The following ITIH5 variants were observed in gnomAD, a reference collection of about 807,000 sequenced individuals.
ITIH5 encodes inter-alpha-trypsin inhibitor heavy chain H5.
ITIH5 carries 65 observed loss-of-function variants against 77.5 expected under a neutral mutation model. The ratio of observed to expected loss-of-function variants is 0.84; its 90% CI spans 0.69 to 1.03. The LOEUF (loss-of-function observed/expected upper bound fraction) is 1.03, where lower values mean the gene tolerates loss of function less well. ITIH5 is among the 50% of genes least tolerant of loss of function. ITIH5 has a pLI of 0.00. For missense variants in ITIH5, 1,208 were observed against 1,213.1 expected (o/e 1.00, Z 0.06); for synonymous variants, 525 against 494.3 (o/e 1.06, Z -0.82).
chr10:7,581,841 C>T (rs1832562482), intron 8 of ITIH5, among the ~76,000 whole-genome samples: 1 of 143,872 alleles, frequency 7.0e-6, no homozygotes, highest in South Asian at 2.3e-4. Flanking sequence ...GGACTACAGG[C>T]ATGAGCCACC....
At chr10:7,640,092 C>A (rs1326810713) in intron 4 of ITIH5, among the ~76,000 whole-genome samples, 2 of 84,832 alleles carry the variant, frequency 2.4e-5, no homozygotes, top group African/African-American at 4.7e-5. Context: ...TTATTTTTAT[C>A]AAAAAAAATT....
intron 13 of ITIH5, among the ~76,000 whole-genome samples, 161 bp downstream of exon 13, chr10:7,565,869 C>T (rs1434833151): frequency 6.9e-6 from 1 of 145,812 alleles, no homozygotes; most frequent in Non-Finnish European, 1.5e-5. Context: ...TATATATGTA[C>T]ACACACACAT....
chr10:7,661,752 G>C (rs1834280286), intron 1 of ITIH5, among the ~76,000 whole-genome samples: 1 of 152,170 alleles, frequency 6.6e-6, no homozygotes, highest in Admixed American at 6.5e-5. Context: ...CCAGGCTGGA[G>C]TGCAGTGGCA....
chr10:7,621,124 C>T (rs1833468625), intron 5 of ITIH5: 1 of 152,202 alleles, frequency 6.6e-6, no homozygotes, highest in Non-Finnish European at 1.5e-5. Context: ...GTAGCTTACA[C>T]ATGGTCTGTG....
At position 7,569,744 on chromosome 10, in the gene ITIH5, G is replaced by A. The variant is rs1832260478; in HGVS notation, c.2073C>T (p.Ser691=). The change falls in exon 12 of 14, where the codon AGC becomes AGT. Residue 691 remains serine (S), a synonymous_variant. Transcript: ENST00000397146. ...DPHFVVDFPL[S]RLTVCFNIDG... ...CAATGTTGAAGCACACGGTGAGTCT[G>A]CTCAGGGGGAAATCCACAACAAAGT... 1 of 1,612,362 alleles carries A rather than the reference G, an allele frequency of 6.2e-7. No homozygotes were observed. Among genetic ancestry groups the A allele is most frequent in the East Asian group, 2.2e-5 (1 of 44,782 alleles).
chr10:7,563,504 T>C (rs566798696), intron 13 of ITIH5, 120 bp from the exon 14 acceptor site: 9 of 788,360 alleles, frequency 1.1e-5, no homozygotes, highest in Non-Finnish European at 1.8e-5. Context: ...GAGACTGGAC[T>C]CTCCCAGTGA....
chr10:7,572,360 C>T, intron 11 of ITIH5: 15 of 1,367,300 alleles, frequency 1.1e-5, no homozygotes, highest in Non-Finnish European at 1.5e-5. Context: ...AATTTCATGA[C>T]ATTTGAAAAA....
intron 2 of ITIH5, 149 bp downstream of exon 2, chr10:7,655,482 A>G: frequency 1.8e-6 from 1 of 563,622 alleles, no homozygotes; most frequent in Non-Finnish European, 3.1e-6. Context: ...AAGCCTTATA[A>G]AAGACTCAAC....
At chr10:7,566,443 A>G in intron 12 of ITIH5, 36 bp from the exon 13 acceptor site, 2 of 1,559,832 alleles carry the variant, frequency 1.3e-6, no homozygotes, top group Non-Finnish European at 1.7e-6. Flanking sequence ...AGGTTAGAAA[A>G]TCTGACCAGG....
intron 1 of ITIH5, among the ~76,000 whole-genome samples, chr10:7,662,112 C>T (rs923371126): frequency 3.9e-5 from 6 of 152,152 alleles, no homozygotes; most frequent in Admixed American, 3.3e-4. Context: ...AATCTCAGCA[C>T]TTTGGGAGGT....
At chr10:7,665,141 G>T (rs74479699) in intron 1 of ITIH5, among the ~76,000 whole-genome samples, 6,075 of 152,214 alleles carry the variant, frequency 0.04, 360 homozygotes, top group Admixed American at 0.16. Context: ...TATTGTGCTG[G>T]GTTGAAGACA....
chr10:7,583,732 T>C (rs571774152), intron 8 of ITIH5, among the ~76,000 whole-genome samples: 1 of 152,284 alleles, frequency 6.6e-6, no homozygotes, highest in East Asian at 1.9e-4. Flanking sequence ...TATTCAGCAA[T>C]GGTGCCAAAT....
chr10:7,573,602 G>A (rs761956539), intron 10 of ITIH5, among the ~76,000 whole-genome samples: 2 of 150,478 alleles, frequency 1.3e-5, no homozygotes, highest in Non-Finnish European at 2.9e-5. Flanking sequence ...CTTGAGCCCA[G>A]GAGATCAAGG....
At position 7,576,632 on chromosome 10, in the gene ITIH5, C is replaced by T. The variant is rs368961669; in HGVS notation, c.1799G>A (p.Arg600Gln). 13 of 1,614,054 alleles carry T rather than the reference C, an allele frequency of 8.1e-6. No individual in the cohort carries two copies. In the South Asian group the frequency reaches 1.1e-4, roughly 14 times the overall value. ...LQSDDEPEKE[R>Q]LRQRAQALAV... is the part of the protein sequence containing the mutation. ...CAGGGCCTGGGCCCGCTGCCGCAGCCGCTCCTTCTCCGGTTCATCGTCACT... is the reference window on the plus strand; with the variant it reads ...CAGGGCCTGGGCCCGCTGCCGCAGCTGCTCCTTCTCCGGTTCATCGTCACT... The change falls in exon 10 of 14, where the codon CGG becomes CAG. Residue 600 changes from arginine to glutamine, a missense_variant. Coordinates refer to ENST00000397146, the MANE Select transcript of ITIH5 (RefSeq NM_030569.7).
intron 11 of ITIH5, chr10:7,572,771 C>CTTTT (rs528912890): frequency 0.22 from 18,959 of 87,822 alleles, 3,630 homozygotes; most frequent in Admixed American, 0.25. Context: ...TGGTTTTACA[C>CTTTT]TTTTTTTTTT....
intron 2 of ITIH5, among the ~76,000 whole-genome samples, chr10:7,644,626 C>CAT (rs1833958419): frequency 3.0e-5 from 3 of 98,400 alleles, no homozygotes; most frequent in Admixed American, 1.1e-4. Flanking sequence ...ATATATATCA[C>CAT]ATATATCACA....
intron 5 of ITIH5, among the ~76,000 whole-genome samples, chr10:7,627,329 GT>G (rs1193527583): frequency 3.6e-5 from 2 of 54,900 alleles, no homozygotes; most frequent in Non-Finnish European, 5.3e-5. Flanking sequence ...AGAAGATAAA[GT>G]AAAAAAAAAA....
chr10:7,590,715 C>A (rs904475474), intron 7 of ITIH5, among the ~76,000 whole-genome samples: 5 of 152,206 alleles, frequency 3.3e-5, no homozygotes, highest in Admixed American at 1.3e-4. Context: ...ATTATCCCCA[C>A]GTCTTTGTGC....
Position 7,560,325 on chromosome 10 carries a change from T to A in ITIH5, c.*2758A>T, listed in dbSNP as rs556247088. 6.5e-6 allele frequency: 1 copy of A among 152,964 alleles called. No individual in the cohort carries two copies. Among genetic ancestry groups the A allele is most frequent in the East Asian group, 1.9e-4 (1 of 5,210 alleles). 9.5% of individuals were successfully genotyped at this position (152,964 alleles called of 1,614,324 possible). Reference sequence around the variant, plus strand: ...CCAAGGCATGTCGTTTAGCCAAAAGTTAAAGTTAAAGGAATGAATCCTGTT... The same window carrying A: ...CCAAGGCATGTCGTTTAGCCAAAAGATAAAGTTAAAGGAATGAATCCTGTT... On this transcript the variant is annotated 3_prime_UTR_variant, in exon 14 of 14. Coordinates refer to ENST00000397146, the MANE Select transcript of ITIH5 (RefSeq NM_030569.7).
Sources: gnomAD v4.1 joint callset for allele counts (sites outside exome capture counted in the v4.1 genomes callset) on GRCh38, gnomAD v4.1.1 for gene constraint, MANE v1.5 for transcripts, NCBI Gene and HGNC (gene_info 2026-07-23, HGNC 2026-07-21) for gene names.